Variants in PEX3 observed in about 807,000 individuals in gnomAD.
The protein encoded by PEX3 is peroxisomal biogenesis factor 3, also known as peroxin-3.
Under a neutral mutation model 55.8 loss-of-function variants are expected in PEX3, and 30 were observed. The observed-to-expected ratio is 0.54, with a 90% CI of 0.40 to 0.73. PEX3 has a LOEUF of 0.73. Ranked by LOEUF, PEX3 falls within the 30% of genes least tolerant of loss-of-function variation. The pLI is 0.00. For synonymous variants in PEX3, 135 were observed against 148.4 expected, an observed-to-expected ratio of 0.91 and a Z score of 0.66; for missense variants, 351 against 432.8, an observed-to-expected ratio of 0.81 and a Z score of 1.68.
rs1046409576 is a variant in PEX3 at position 143,465,436 on chromosome 6, GT to G, written c.287+2448del. ...ACAGTTTTTTGTTCGTTTGGTTTTG[GT>G]TTTTTTTTAGATAGAGTCTTACTCT... is the stretch of plus-strand genomic sequence containing the variant. On this transcript the variant is annotated intron_variant, in intron 3 of 11. Transcript: ENST00000367591. This position sits in a 1 kb window ranked among gnomAD's most constrained non-coding sequence, Gnocchi z 4.7. Among the ~76,000 whole-genome samples the G allele has an allele frequency of 2.0e-5, 3 of 150,720 alleles. No homozygotes were observed. The highest frequency in any genetic ancestry group is 3.0e-5 in the Non-Finnish European group (2 of 67,480).
chr6:143,455,890 G>T (rs527829195), intron 1 of PEX3, among the ~76,000 whole-genome samples: 2 of 152,140 alleles, frequency 1.3e-5, no homozygotes, highest in Non-Finnish European at 2.9e-5. Context: ...GGGAACAATA[G>T]GTTATTTTCA....
At position 143,462,845 on chromosome 6, in the gene PEX3, C is replaced by A; in HGVS notation, c.206-71C>A. On this transcript the variant is annotated intron_variant, in intron 2 of 11. Transcript: ENST00000367591. This position sits in a 1 kb window ranked among gnomAD's most constrained non-coding sequence, Gnocchi z 4.1. ...GCTAGCCCTATCATATAGCCTAAAACAATGCGCATTTCTTAGTGAGGGCAG... is the reference window on the plus strand; with the variant it reads ...GCTAGCCCTATCATATAGCCTAAAAAAATGCGCATTTCTTAGTGAGGGCAG... The A allele has an allele frequency of 2.6e-6, 3 of 1,145,042 alleles. No homozygotes were observed. The highest frequency in any genetic ancestry group is 4.0e-6 in the Non-Finnish European group (3 of 752,176). 70.9% of individuals were successfully genotyped at this position (1,145,042 alleles called of 1,614,324 possible).
At chr6:143,473,683 G>A (rs1185802657) in intron 8 of PEX3, among the ~76,000 whole-genome samples, 3 of 151,836 alleles carry the variant, frequency 2.0e-5, no homozygotes, top group Non-Finnish European at 4.4e-5. Context: ...GGGCAACATA[G>A]CGAGATCCTG....
rs57760487 is a variant in PEX3 at position 143,454,033 on chromosome 6, T to TA, written c.73+2922dup. ...TATTCAAAATTAAAATGAAATTTTT[T>TA]AAAATATTAATTCATTTTAAAATAA... is the stretch of plus-strand genomic sequence containing the variant. On this transcript the variant is annotated intron_variant, in intron 1 of 11. Transcript: ENST00000367591. This position sits in a 1 kb window ranked among gnomAD's most constrained non-coding sequence, Gnocchi z 4.3. 5.6e-5 allele frequency among the ~76,000 whole-genome samples: 8 copies of TA among 142,550 alleles called. No homozygotes were observed. Among genetic ancestry groups the TA allele is most frequent in the South Asian group, 4.3e-4 (2 of 4,654 alleles). 93.5% of individuals were successfully genotyped at this position (142,550 alleles called of 152,430 possible).
At chr6:143,452,432 A>G (rs997843314) in intron 1 of PEX3, among the ~76,000 whole-genome samples, 13 of 152,240 alleles carry the variant, frequency 8.5e-5, no homozygotes, top group African/African-American at 3.1e-4. Context: ...AAATACAAAT[A>G]AAGTATTTTT....
chr6:143,467,413 G>GA (rs1056070796), intron 3 of PEX3, among the ~76,000 whole-genome samples: 3 of 151,990 alleles, frequency 2.0e-5, no homozygotes, highest in Non-Finnish European at 2.9e-5. Context: ...TTAGTTCACT[G>GA]AAAAAATCTT....
At position 143,450,927 on chromosome 6, in the gene PEX3, G is replaced by A. The variant is rs969090241; in HGVS notation, c.-116G>A. 6 of 866,456 alleles carry A rather than the reference G, an allele frequency of 6.9e-6. No homozygotes were observed. The highest frequency in any genetic ancestry group is 1.2e-5 in the Non-Finnish European group (6 of 497,934). 53.7% of individuals were successfully genotyped at this position (866,456 alleles called of 1,614,324 possible). A position where few individuals can be genotyped will look rare whatever the true frequency, so the allele number is the denominator to read the frequency against. On this transcript the variant is annotated 5_prime_UTR_variant, in exon 1 of 12. Coordinates refer to ENST00000367591, the MANE Select transcript of PEX3 (RefSeq NM_003630.3). ...AAGTCACGTTTGTGATTTCGGGAGA[G>A]CACAGAACGGGACGACGGCGCTCTT...
chr6:143,455,495 A>G (rs940201079), intron 1 of PEX3, among the ~76,000 whole-genome samples: 2 of 149,802 alleles, frequency 1.3e-5, no homozygotes, highest in African/African-American at 4.9e-5. Flanking sequence ...GATTACAGGC[A>G]TGAGCCACCG....
chr6:143,453,880 A>G lies in PEX3; in HGVS notation c.73+2765A>G, dbSNP rs921610621. Among the ~76,000 whole-genome samples, 8 of 152,118 alleles carry G rather than the reference A, an allele frequency of 5.3e-5. No homozygotes were observed. The highest frequency in any genetic ancestry group is 1.7e-4 in the African/African-American group (7 of 41,432). Reference sequence around the variant, plus strand: ...GGCATGAGCCACTGAGCCTGGCATAATTTGACCAGTTTGTGAAAAGACTAG... The same window carrying G: ...GGCATGAGCCACTGAGCCTGGCATAGTTTGACCAGTTTGTGAAAAGACTAG... On this transcript the variant is annotated intron_variant, in intron 1 of 11. Coordinates refer to ENST00000367591, the MANE Select transcript of PEX3 (RefSeq NM_003630.3). This position sits in a 1 kb window ranked among gnomAD's most constrained non-coding sequence, Gnocchi z 4.6.
intron 8 of PEX3, among the ~76,000 whole-genome samples, chr6:143,473,978 T>A (rs1329357792): frequency 1.1e-3 from 157 of 141,008 alleles, no homozygotes; most frequent in African/African-American, 3.4e-3. Flanking sequence ...AAAAAAAAAA[T>A]GAAAAATTAG....
In PEX3 at chr6:143,488,001, TC is replaced by T. The variant is rs1367790938; in HGVS notation, c.1039-1138del. ...TTCATAGAAATCAAAACACAAAATT[TC>T]CCCTCAAATTCTTGGGCCCCTGAAA... On this transcript the variant is annotated intron_variant, in intron 11 of 11. Coordinates refer to ENST00000367591, the MANE Select transcript of PEX3 (RefSeq NM_003630.3). This position sits in a 1 kb window ranked among gnomAD's most constrained non-coding sequence, Gnocchi z 4.9. 6.6e-6 allele frequency among the ~76,000 whole-genome samples: 1 copy of T among 152,128 alleles called. No homozygotes were observed. Among genetic ancestry groups the T allele is most frequent in the African/African-American group, 2.4e-5 (1 of 41,432 alleles).
In PEX3 at chr6:143,489,100, A is replaced by G; in HGVS notation, c.1039-43A>G. 1.6e-6 allele frequency: 2 copies of G among 1,252,994 alleles called. No individual in the cohort carries two copies. The highest frequency in any genetic ancestry group is 1.2e-6 in the Non-Finnish European group (1 of 851,068). 77.6% of individuals were successfully genotyped at this position (1,252,994 alleles called of 1,614,324 possible). A position where few individuals can be genotyped will look rare whatever the true frequency, so the allele number is the denominator to read the frequency against. On this transcript the variant is annotated intron_variant, in intron 11 of 11. Transcript: ENST00000367591. The surrounding 1 kb of genome is among the most constrained non-coding windows in gnomAD (Gnocchi z 5.5). ...TTGCAGAAATTAATTCAAATTAGCT[A>G]TATGTTTTGCAAACTATAATGTTAT...
rs1358490702 is a variant in PEX3 at position 143,465,953 on chromosome 6, G to GT, written c.288-2161dup. Among the ~76,000 whole-genome samples the GT allele has an allele frequency of 6.6e-6, 1 of 151,598 alleles. No individual in the cohort carries two copies. Among genetic ancestry groups the GT allele is most frequent in the Non-Finnish European group, 1.5e-5 (1 of 67,792 alleles). ...TGGACTTGTGTTTTCTATATCTGTG[G>GT]TTTTTTTTATTTCATGTTTTCTAGT... On this transcript the variant is annotated intron_variant, in intron 3 of 11. Transcript: ENST00000367591. The surrounding 1 kb of genome is among the most constrained non-coding windows in gnomAD (Gnocchi z 4.7).
In PEX3 at chr6:143,479,589, A is replaced by G. The variant is rs1780203374; in HGVS notation, c.941+391A>G. Among the ~76,000 whole-genome samples the G allele has an allele frequency of 6.6e-6, 1 of 152,000 alleles. No homozygotes were observed. Among genetic ancestry groups the G allele is most frequent in the Non-Finnish European group, 1.5e-5 (1 of 67,916 alleles). On this transcript the variant is annotated intron_variant, in intron 10 of 11. Transcript: ENST00000367591. The surrounding 1 kb of genome is among the most constrained non-coding windows in gnomAD (Gnocchi z 4.6). ...TGCATATTTCAATATTTTGTTCCTT[A>G]TAATACCCGGGCATTGTTGGTATAG...
In PEX3 at chr6:143,467,869, A is replaced by T. The variant is rs184408999; in HGVS notation, c.288-253A>T. Among the ~76,000 whole-genome samples, 85 of 152,304 alleles carry T rather than the reference A, an allele frequency of 5.6e-4. 1 individual carries two copies. Among genetic ancestry groups the T allele is most frequent in the African/African-American group, 2.0e-3 (83 of 41,572 alleles). ...GAAATATTTCCTCTGCATTTCCTAT[A>T]TGATTTTGTAATCTATCTATACATA... On this transcript the variant is annotated intron_variant, in intron 3 of 11. Transcript: ENST00000367591.
Position 143,464,004 on chromosome 6 carries a change from G to T in PEX3, c.287+1007G>T, listed in dbSNP as rs1048440984. On this transcript the variant is annotated intron_variant, in intron 3 of 11. Transcript: ENST00000367591. This position sits in a 1 kb window ranked among gnomAD's most constrained non-coding sequence, Gnocchi z 5.8. ...TTTATCTGATTAAAACAGAATGCTA[G>T]TGATGGGGGTTTTCCATTTTAAATT... 2.6e-5 allele frequency among the ~76,000 whole-genome samples: 4 copies of T among 152,134 alleles called. No individual in the cohort carries two copies. Among genetic ancestry groups the T allele is most frequent in the African/African-American group, 7.2e-5 (3 of 41,450 alleles).
At chr6:143,456,802 CT>C (rs1333546966) in intron 1 of PEX3, among the ~76,000 whole-genome samples, 2 of 152,128 alleles carry the variant, frequency 1.3e-5, no homozygotes, top group Admixed American at 6.5e-5. Flanking sequence ...AATTCATTTT[CT>C]TTTTTAGTTT....
chr6:143,480,341 G>T (rs1405330050), intron 10 of PEX3, among the ~76,000 whole-genome samples: 1 of 152,078 alleles, frequency 6.6e-6, no homozygotes, highest in Admixed American at 6.6e-5. Flanking sequence ...TAATTGTAAT[G>T]GTTATTTTAA....
In PEX3 at chr6:143,459,710, A is replaced by G. The variant is rs867552882; in HGVS notation, c.205+494A>G. On this transcript the variant is annotated intron_variant, in intron 2 of 11. Transcript: ENST00000367591. This position sits in a 1 kb window ranked among gnomAD's most constrained non-coding sequence, Gnocchi z 4.2. Reference sequence around the variant, plus strand: ...CGGGAACAAGCTTGGTACTCTCAGGACACAGCAAAAAGGCCATGTAGCTAG... The same window carrying G: ...CGGGAACAAGCTTGGTACTCTCAGGGCACAGCAAAAAGGCCATGTAGCTAG... 2.6e-5 allele frequency among the ~76,000 whole-genome samples: 4 copies of G among 152,320 alleles called. No individual in the cohort carries two copies. The highest frequency in any genetic ancestry group is 6.8e-3 in the Middle Eastern group (2 of 294).
Sources: gnomAD v4.1 joint callset for allele counts (sites outside exome capture counted in the v4.1 genomes callset) on GRCh38, gnomAD v4.1.1 for gene constraint, Gnocchi (gnomAD v3.1) non-coding constraint, MANE v1.5 for transcripts, NCBI Gene and HGNC (gene_info 2026-07-23, HGNC 2026-07-21) for gene names.